ZNF677: variants seen among roughly 807,000 people sequenced by gnomAD.
ZNF677 encodes the protein hypothetical protein MGC48625.
A neutral mutation model predicts 8.1 loss-of-function variants in ZNF677; 5 were observed. The ratio of observed to expected loss-of-function variants is 0.62; its 90% CI spans 0.32 to 1.29. The LOEUF (loss-of-function observed/expected upper bound fraction) is 1.29, where lower values mean the gene tolerates loss of function less well. ZNF677 is among the 50% of genes most tolerant of loss of function. The probability of loss-of-function intolerance (pLI) is 0.05; values close to 1 mark genes in which losing one functional copy is unlikely to be tolerated. For synonymous variants in ZNF677, 221 were observed against 225.6 expected (o/e 0.98, Z 0.18); for missense variants, 685 against 685.9 (o/e 1.00, Z 0.01).
At chr19:53,248,782 A>G (rs1002209737) in intron 3 of ZNF677, among the ~76,000 whole-genome samples, 19 of 152,150 alleles carry the variant, frequency 1.2e-4, no homozygotes, top group East Asian at 1.9e-4. Flanking sequence ...GTGGATCTCT[A>G]TAAGTTTATC....
In ZNF677 at chr19:53,238,175, C is replaced by G. The variant is rs2090995867; in HGVS notation, c.552G>C (p.Val184=). 2 of 1,613,436 alleles carry G rather than the reference C, an allele frequency of 1.2e-6. No homozygotes were observed. The highest frequency in any genetic ancestry group is 1.7e-6 in the Non-Finnish European group (2 of 1,179,764). Residue 184 remains valine (V), a synonymous_variant, in exon 5 of 5, where the codon GTG becomes GTC. Transcript: ENST00000598513. ...NNIRYAGNKY[V]KCFENKIGLS... ...ATCCAATTTTATTTTCAAAACACTTCACGTATTTGTTTCCGGCATACCTTA... is the reference window on the plus strand; with the variant it reads ...ATCCAATTTTATTTTCAAAACACTTGACGTATTTGTTTCCGGCATACCTTA...
intron 4 of ZNF677, chr19:53,242,987 T>C (rs558298090): frequency 1.3e-5 from 2 of 152,320 alleles, no homozygotes; most frequent in Non-Finnish European, 2.9e-5. Context: ...AATAACAGTA[T>C]GTTGGGGGAC....
intron 3 of ZNF677, among the ~76,000 whole-genome samples, chr19:53,246,951 G>A (rs2091153699): frequency 6.6e-6 from 1 of 152,082 alleles, no homozygotes; most frequent in Admixed American, 6.6e-5. Flanking sequence ...AGATTGTAGT[G>A]GTGGTGTCAG....
At position 53,241,791 on chromosome 19, in the gene ZNF677, A is replaced by G. The variant is rs2091053437; in HGVS notation, c.169+1953T>C. On this transcript the variant is annotated intron_variant, in intron 4 of 4. Transcript: ENST00000598513. ...GAATGATACTGTGACAGATTAATTA[A>G]TGTTCTCTTTCAAGAATGTTCTGTC... The G allele has an allele frequency of 3.0e-5, 12 of 398,554 alleles. No homozygotes were observed. In the South Asian group the frequency reaches 1.5e-3, roughly 51 times the overall value. The allele number at this position is 398,554 out of a possible 1,614,324, so 24.7% of individuals were successfully genotyped here.
chr19:53,245,935 C>T (rs1291062694), intron 3 of ZNF677, among the ~76,000 whole-genome samples: 10 of 151,854 alleles, frequency 6.6e-5, no homozygotes, highest in South Asian at 4.2e-4. Flanking sequence ...TTGTTTGAAC[C>T]GGGGAGGCAG....
chr19:53,251,581 G>T lies in ZNF677; in HGVS notation c.-31C>A. 8 of 1,613,516 alleles carry T rather than the reference G, an allele frequency of 5.0e-6. No individual in the cohort carries two copies. The highest frequency in any genetic ancestry group is 6.8e-6 in the Non-Finnish European group (8 of 1,179,734). On this transcript the variant is annotated 5_prime_UTR_variant, in exon 3 of 5. Coordinates refer to ENST00000598513, the MANE Select transcript of ZNF677 (RefSeq NM_182609.4). Reference sequence around the variant, plus strand: ...CCTCTTCTTTCTTTCCTCTTCCTCTGAGTTTCTTTCTCAGGTAAGTCAGTC... The same window carrying T: ...CCTCTTCTTTCTTTCCTCTTCCTCTTAGTTTCTTTCTCAGGTAAGTCAGTC...
chr19:53,238,324 G>A lies in ZNF677; in HGVS notation c.403C>T (p.Gln135Ter). The change falls in exon 5 of 5, where the codon CAA becomes TAA. Residue 135 changes from glutamine (Q) to a stop codon, truncating the protein, a stop_gained. Transcript: ENST00000598513. LOFTEE classifies it low-confidence loss of function (END_TRUNC). ...AAATGTATTGAGGATTTATTATGTT[G>A]TTGATCTTTTCTGTGAGTGAGATTT... ...NKNLTHRKDQ[Q>*]HNKSSIHFSL... The A allele has an allele frequency of 6.2e-7, 1 of 1,613,276 alleles. No individual in the cohort carries two copies. Among genetic ancestry groups the A allele is most frequent in the Non-Finnish European group, 8.5e-7 (1 of 1,179,630 alleles).
In ZNF677 at chr19:53,236,814, A is replaced by G. The variant is rs540544369; in HGVS notation, c.*158T>C. ...CAGTAAGAATTCTATGATGTTCCAC[A>G]AGGCTTGAACTTTGGATAAGCCTTG... is the stretch of plus-strand genomic sequence containing the variant. On this transcript the variant is annotated 3_prime_UTR_variant, in exon 5 of 5. Transcript: ENST00000598513. 1.3e-5 allele frequency: 8 copies of G among 596,220 alleles called. No homozygotes were observed. In the East Asian group the frequency reaches 2.2e-4, roughly 16 times the overall value. 36.9% of individuals were successfully genotyped at this position (596,220 alleles called of 1,614,324 possible).
Position 53,237,299 on chromosome 19 carries a change from A to C in ZNF677, c.1428T>G (p.Gly476=). ...KAFIKRSHLW[G]HQRTHTGEKP... ...TCTCTCCAGTATGAGTTCTCTGATG[A>C]CCCCAAAGGTGTGAACGTTTGATAA... Residue 476 remains glycine (G), a synonymous_variant, in exon 5 of 5, where the codon GGT becomes GGG. Transcript: ENST00000598513. 6.2e-7 allele frequency: 1 copy of C among 1,613,048 alleles called. No homozygotes were observed. The highest frequency in any genetic ancestry group is 8.5e-7 in the Non-Finnish European group (1 of 1,179,602).
At chr19:53,252,032 CA>C (rs1268884481) in intron 2 of ZNF677, among the ~76,000 whole-genome samples, 2 of 152,156 alleles carry the variant, frequency 1.3e-5, no homozygotes, top group African/African-American at 2.4e-5. Context: ...GTCCCACAGG[CA>C]GGGGGAAAGC....
intron 3 of ZNF677, among the ~76,000 whole-genome samples, chr19:53,250,346 C>T (rs966172145): frequency 1.3e-5 from 2 of 152,192 alleles, no homozygotes; most frequent in Admixed American, 1.3e-4. Flanking sequence ...CCAGCAATCC[C>T]ATCATGCGTG....
At chr19:53,249,959 G>A (rs1396867138) in intron 3 of ZNF677, among the ~76,000 whole-genome samples, 1 of 152,082 alleles carries the variant, frequency 6.6e-6, no homozygotes, top group Non-Finnish European at 1.5e-5. Context: ...TGCAACCTCT[G>A]CCTCCCGGGT....
intron 3 of ZNF677, among the ~76,000 whole-genome samples, chr19:53,248,692 C>A (rs1322402264): frequency 6.6e-6 from 1 of 152,188 alleles, no homozygotes; most frequent in Non-Finnish European, 1.5e-5. Context: ...TTTTGAGGGT[C>A]ACTGTACATG....
intron 1 of ZNF677, among the ~76,000 whole-genome samples, chr19:53,254,376 C>A (rs1185130131): frequency 2.0e-5 from 3 of 152,130 alleles, no homozygotes; most frequent in Non-Finnish European, 4.4e-5. Context: ...ATCCTGGTAG[C>A]ATCCTTTTTT....
chr19:53,244,164 C>G (rs2091100287), intron 3 of ZNF677, among the ~76,000 whole-genome samples: 2 of 152,078 alleles, frequency 1.3e-5, no homozygotes, highest in African/African-American at 4.8e-5. Flanking sequence ...GAGTTTGAAA[C>G]AGTCTGGACA....
chr19:53,238,620 T>C lies in ZNF677; in HGVS notation c.170-63A>G, dbSNP rs1026828207. 12 of 1,382,832 alleles carry C rather than the reference T, an allele frequency of 8.7e-6. No homozygotes were observed. The Admixed American group carries it at 1.5e-4, about 17-fold the overall frequency. 85.7% of individuals were successfully genotyped at this position (1,382,832 alleles called of 1,614,324 possible). A position where few individuals can be genotyped will look rare whatever the true frequency, so the allele number is the denominator to read the frequency against. On this transcript the variant is annotated intron_variant, in intron 4 of 4. Coordinates refer to ENST00000598513, the MANE Select transcript of ZNF677 (RefSeq NM_182609.4). Reference sequence around the variant, plus strand: ...ATAGAGTTGCAAGGTAAATATTTTATTAAAATACATATTACAAGAAAGCTA... The same window carrying C: ...ATAGAGTTGCAAGGTAAATATTTTACTAAAATACATATTACAAGAAAGCTA...
At chr19:53,250,770 G>A (rs1012283072) in intron 3 of ZNF677, among the ~76,000 whole-genome samples, 12 of 152,090 alleles carry the variant, frequency 7.9e-5, no homozygotes, top group Non-Finnish European at 1.5e-4. Context: ...AAACTCCCAT[G>A]ACACAAGTTT....
In ZNF677 at chr19:53,246,317, C is replaced by CAAAAAAAAAAAAAAA. The variant is rs59756987; in HGVS notation, c.16-2421_16-2420insTTTTTTTTTTTTTTT. Among the ~76,000 whole-genome samples the CAAAAAAAAAAAAAAA allele has an allele frequency of 2.5e-5, 3 of 122,156 alleles. 1 individual carries two copies. The highest frequency in any genetic ancestry group is 1.0e-4 in the African/African-American group (3 of 29,892). The allele number at this position is 122,156 out of a possible 152,430, so 80.1% of individuals were successfully genotyped here. On this transcript the variant is annotated intron_variant, in intron 3 of 4. Coordinates refer to ENST00000598513, the MANE Select transcript of ZNF677 (RefSeq NM_182609.4). ...TGGGTGACAGAGCGAGACTCCGTCC[C>CAAAAAAAAAAAAAAA]AAAAAAAAAGCGACCATGATCTAGT... is the stretch of plus-strand genomic sequence containing the variant.
intron 4 of ZNF677, chr19:53,239,165 T>C (rs1313288932): frequency 1.3e-5 from 2 of 152,190 alleles, no homozygotes; most frequent in Non-Finnish European, 2.9e-5. Flanking sequence ...GGTGGTTCTA[T>C]TGCATAATAT....
Sources: gnomAD v4.1 joint callset for allele counts (sites outside exome capture counted in the v4.1 genomes callset) on GRCh38, gnomAD v4.1.1 for gene constraint, MANE v1.5 for transcripts, NCBI Gene and HGNC (gene_info 2026-07-23, HGNC 2026-07-21) for gene names.